PVALEF: variants seen among roughly 807,000 people sequenced by gnomAD.
The protein encoded by PVALEF is parvalbumin-like EF-hand-containing protein.
PVALEF carries 2 observed loss-of-function variants against 1.2 expected under a neutral mutation model. The observed-to-expected ratio is 1.68, with a 90% CI of 0.69 to 5.28. The LOEUF is 5.28. Among genes scored for constraint, PVALEF ranks in the 30% most tolerant of loss-of-function variants. PVALEF has a pLI of 0.06. For missense variants in PVALEF, 35 were observed against 17.7 expected, an observed-to-expected ratio of 1.97 and a Z score of -1.75; for synonymous variants, 16 against 6.5, an observed-to-expected ratio of 2.47 and a Z score of -2.24.
intron 2 of PVALEF, among the ~76,000 whole-genome samples, chr17:81,170,381 G>A (rs1005570465): frequency 3.3e-5 from 5 of 151,926 alleles, no homozygotes; most frequent in East Asian, 3.9e-4. Context: ...GTGTGTGTCC[G>A]TCCTCTCCTC....
chr17:81,175,328 T>C (rs937983099), intron 2 of PVALEF, among the ~76,000 whole-genome samples: 1 of 152,208 alleles, frequency 6.6e-6, no homozygotes, highest in African/African-American at 2.4e-5. Flanking sequence ...TGTTCATGGA[T>C]TGAAAGACTT....
chr17:81,170,698 C>T (rs556729827), intron 2 of PVALEF, among the ~76,000 whole-genome samples: 84 of 152,276 alleles, frequency 5.5e-4, no homozygotes, highest in Admixed American at 9.1e-4. Flanking sequence ...GTGTAGCTGC[C>T]GGGACTCAGC....
At chr17:81,169,044 A>G (rs1207763459) in intron 2 of PVALEF, among the ~76,000 whole-genome samples, 1 of 152,260 alleles carries the variant, frequency 6.6e-6, no homozygotes, top group Non-Finnish European at 1.5e-5. Context: ...AGAAGGCCAC[A>G]GAGTGTGTGA....
chr17:81,171,047 AC>A, intron 2 of PVALEF, among the ~76,000 whole-genome samples: 1 of 152,310 alleles, frequency 6.6e-6, no homozygotes, highest in Admixed American at 6.5e-5. Context: ...GGCAGTGCCA[AC>A]CCTGCGGGGG....
Position 81,165,673 on chromosome 17 carries a change from C to G in PVALEF, c.-582C>G, listed in dbSNP as rs2659034. On this transcript the variant is annotated 5_prime_UTR_variant, in exon 1 of 7. Transcript: ENST00000637878. Reference sequence around the variant, plus strand: ...AGGGGCCCACGCAGGCCCTCCGTGCCCCAGTTACCTGTGCCCTGGAGGCAG... The same window carrying G: ...AGGGGCCCACGCAGGCCCTCCGTGCGCCAGTTACCTGTGCCCTGGAGGCAG... The G allele has an allele frequency of 0.32, 488,662 of 1,507,572 alleles. 82,485 individuals are homozygous for G. Among genetic ancestry groups the G allele is most frequent in the Admixed American group, 0.44 (22,029 of 49,966 alleles). The allele number at this position is 1,507,572 out of a possible 1,614,324, so 93.4% of individuals were successfully genotyped here.
Position 81,179,053 on chromosome 17 carries a change from G to A in PVALEF, c.-204G>A, listed in dbSNP as rs1421871267. On this transcript the variant is annotated 5_prime_UTR_variant, in exon 3 of 7. Transcript: ENST00000637878. ...GGGGCGAGGACAGCTGCAGCCCCGA[G>A]ATGTAAACAGGCTTGCAGGTATAAA... is the stretch of plus-strand genomic sequence containing the variant. 2.2e-6 allele frequency: 1 copy of A among 455,098 alleles called. No homozygotes were observed. The highest frequency in any genetic ancestry group is 4.4e-6 in the Non-Finnish European group (1 of 225,478). The allele number at this position is 455,098 out of a possible 1,614,324, so 28.2% of individuals were successfully genotyped here.
chr17:81,177,240 C>CAAAA (rs1163157496), intron 2 of PVALEF, among the ~76,000 whole-genome samples: 2 of 74,032 alleles, frequency 2.7e-5, no homozygotes, highest in Non-Finnish European at 2.4e-5. Context: ...AACTCCATCT[C>CAAAA]AAAAAAAAAA....
intron 2 of PVALEF, among the ~76,000 whole-genome samples, chr17:81,177,704 G>A (rs1371592963): frequency 6.6e-6 from 1 of 151,906 alleles, no homozygotes; most frequent in Non-Finnish European, 1.5e-5. Flanking sequence ...TCAAACGTGT[G>A]TTCTGCAGGT....
chr17:81,181,394 C>T (rs1258442348), intron 4 of PVALEF, 62 bp downstream of exon 4: 2 of 586,506 alleles, frequency 3.4e-6, no homozygotes, highest in Non-Finnish European at 6.1e-6. Context: ...GGTCAGGAGA[C>T]CTCATCCCTT....
Position 81,165,646 on chromosome 17 carries a change from C to T in PVALEF, c.-609C>T, listed in dbSNP as rs368782979. 9 of 1,482,798 alleles carry T rather than the reference C, an allele frequency of 6.1e-6. No individual in the cohort carries two copies. The highest frequency in any genetic ancestry group is 1.4e-5 in the African/African-American group (1 of 71,676). The allele number at this position is 1,482,798 out of a possible 1,614,324, so 91.9% of individuals were successfully genotyped here. The stretch of plus-strand genomic sequence containing the variant: ...AGTCTGAGACCAACTCTCCTGGACA[C>T]CAGGGGCCCACGCAGGCCCTCCGTG... On this transcript the variant is annotated 5_prime_UTR_variant, in exon 1 of 7. Coordinates refer to ENST00000637878, the MANE Select transcript of PVALEF (RefSeq NM_001354639.2).
intron 2 of PVALEF, among the ~76,000 whole-genome samples, chr17:81,169,229 G>T (rs1321066116): frequency 6.6e-6 from 1 of 152,202 alleles, no homozygotes; most frequent in Non-Finnish European, 1.5e-5. Flanking sequence ...CCCTGGTGAA[G>T]ATGCTAAAAC....
chr17:81,181,413 C>T, intron 4 of PVALEF, 81 bp downstream of exon 4: 2 of 582,988 alleles, frequency 3.4e-6, no homozygotes, highest in South Asian at 4.4e-5. Context: ...TTTTCTGGGG[C>T]TGATGGGTCC....
intron 2 of PVALEF, among the ~76,000 whole-genome samples, chr17:81,175,659 C>G (rs982615704): frequency 2.0e-5 from 3 of 152,136 alleles, no homozygotes; most frequent in African/African-American, 7.2e-5. Flanking sequence ...CGATTGTTGA[C>G]AAGGGTGCCA....
rs752994208 is a variant in PVALEF, at chr17:81,166,698, G to T, written c.-486G>T. 6.6e-6 allele frequency: 3 copies of T among 454,180 alleles called. No homozygotes were observed. Among genetic ancestry groups the T allele is most frequent in the Admixed American group, 2.4e-5 (1 of 42,512 alleles). 28.1% of individuals were successfully genotyped at this position (454,180 alleles called of 1,614,324 possible). A position where few individuals can be genotyped will look rare whatever the true frequency, so the allele number is the denominator to read the frequency against. On this transcript the variant is annotated 5_prime_UTR_variant, in exon 2 of 7. Coordinates refer to ENST00000637878, the MANE Select transcript of PVALEF (RefSeq NM_001354639.2). ...GCAGGTTTCGAGGCGGCTGGCAGCC[G>T]CCCCCCCACCCCATGCCCTTTGGGT...
At chr17:81,176,256 T>A (rs551400440) in intron 2 of PVALEF, among the ~76,000 whole-genome samples, 1 of 152,192 alleles carries the variant, frequency 6.6e-6, no homozygotes, top group Non-Finnish European at 1.5e-5. Context: ...CGGTGGCTCA[T>A]GCCTGTAATC....
intron 2 of PVALEF, among the ~76,000 whole-genome samples, chr17:81,178,466 C>T (rs1405690299): frequency 6.6e-6 from 1 of 152,214 alleles, no homozygotes; most frequent in Non-Finnish European, 1.5e-5. Flanking sequence ...TCCCTGCTCA[C>T]CACCAGGGGA....
At chr17:81,178,159 T>C (rs958090846) in intron 2 of PVALEF, among the ~76,000 whole-genome samples, 2 of 152,188 alleles carry the variant, frequency 1.3e-5, no homozygotes, top group African/African-American at 4.8e-5. Context: ...ATTACATTCA[T>C]TGTCACCTGT....
intron 4 of PVALEF, 88 bp from the exon 5 acceptor site, chr17:81,181,471 G>A (rs924167969): frequency 2.6e-5 from 13 of 501,020 alleles, no homozygotes; most frequent in Admixed American, 3.9e-5. Flanking sequence ...TGCAGGACCC[G>A]GCAGCCCCCA....
At chr17:81,170,919 G>A (rs1210081753) in intron 2 of PVALEF, among the ~76,000 whole-genome samples, 3 of 152,142 alleles carry the variant, frequency 2.0e-5, no homozygotes, top group Non-Finnish European at 4.4e-5. Context: ...AGGTAACAGA[G>A]CTGGGTGCTC....
Sources: gnomAD v4.1 joint callset for allele counts (sites outside exome capture counted in the v4.1 genomes callset) on GRCh38, gnomAD v4.1.1 for gene constraint, MANE v1.5 for transcripts, NCBI Gene and HGNC (gene_info 2026-07-23, HGNC 2026-07-21) for gene names.